SMARCA2: variants seen among roughly 807,000 people sequenced by gnomAD.
SMARCA2 encodes the protein SWI/SNF-related matrix-associated actin-dependent regulator of chromatin subfamily A member 2.
In SMARCA2, 61 loss-of-function variants were observed where a neutral mutation model predicts 199.8. That is an observed-to-expected ratio of 0.31 (90% confidence interval 0.25 to 0.38). The LOEUF is 0.38. SMARCA2 is among the 10% of genes least tolerant of loss of function. SMARCA2 has a pLI of 1.00. For missense variants in SMARCA2, 1,344 were observed against 2,012.2 expected, an observed-to-expected ratio of 0.67 and a Z score of 6.35; for synonymous variants, 935 against 732.0, an observed-to-expected ratio of 1.28 and a Z score of -4.48.
At chr9:2,178,849 C>T (rs575630885) in intron 29 of SMARCA2, among the ~76,000 whole-genome samples, 5 of 152,260 alleles carry the variant, frequency 3.3e-5, no homozygotes, top group East Asian at 1.9e-4. Context: ...GCTTTGTCTG[C>T]CGAAGCTGGC....
intron 17 of SMARCA2, among the ~76,000 whole-genome samples, 160 bp downstream of exon 17, chr9:2,084,356 T>A: frequency 6.6e-6 from 1 of 150,706 alleles, no homozygotes; most frequent in Non-Finnish European, 1.5e-5. Context: ...GTCGTGGATT[T>A]GATTTCATGC....
chr9:2,172,573 C>T (rs1826313659), intron 29 of SMARCA2, among the ~76,000 whole-genome samples: 1 of 152,126 alleles, frequency 6.6e-6, no homozygotes, highest in Admixed American at 6.5e-5. Context: ...CTGGGACAGC[C>T]TGGATGAGGC....
At chr9:2,096,559 C>A in intron 19 of SMARCA2, 98 bp from the exon 20 acceptor site, 1 of 756,612 alleles carries the variant, frequency 1.3e-6, no homozygotes, top group Non-Finnish European at 2.4e-6. Flanking sequence ...AAGAGAGACA[C>A]CTTTGTGCTT....
intron 32 of SMARCA2, among the ~76,000 whole-genome samples, chr9:2,190,133 A>G (rs1827777416): frequency 6.6e-6 from 1 of 152,162 alleles, no homozygotes; most frequent in African/African-American, 2.4e-5. Context: ...ATGTACCTAT[A>G]TTTGTGATAT....
intron 24 of SMARCA2, among the ~76,000 whole-genome samples, chr9:2,112,556 G>GAA (rs373589316): frequency 1.1e-4 from 17 of 151,930 alleles, no homozygotes; most frequent in African/African-American, 4.1e-4. Context: ...GCAGTAACAT[G>GAA]AAATAGTCCC....
chr9:2,192,817 C>T lies in SMARCA2; in HGVS notation c.*78C>T. The T allele has an allele frequency of 9.8e-7, 1 of 1,020,102 alleles. No individual in the cohort carries two copies. The highest frequency in any genetic ancestry group is 2.4e-5 in the East Asian group (1 of 42,150). The allele number at this position is 1,020,102 out of a possible 1,614,324, so 63.2% of individuals were successfully genotyped here. A position where few individuals can be genotyped will look rare whatever the true frequency, so the allele number is the denominator to read the frequency against. On this transcript the variant is annotated 3_prime_UTR_variant, in exon 34 of 34. Coordinates refer to ENST00000349721, the MANE Select transcript of SMARCA2 (RefSeq NM_003070.5). ...ATTTCTACCCAGTGAGTTCATTTGT[C>T]ATATAGGCACTGGGTTGTTTCTATA... is the stretch of plus-strand genomic sequence containing the variant.
At chr9:2,147,597 G>A (rs971118666) in intron 27 of SMARCA2, among the ~76,000 whole-genome samples, 1 of 152,124 alleles carries the variant, frequency 6.6e-6, no homozygotes, top group Non-Finnish European at 1.5e-5. Flanking sequence ...TGTAATCCTA[G>A]CACTTTGGGA....
chr9:2,097,376 G>T lies in SMARCA2; in HGVS notation c.2992-9G>T. On this transcript the variant is annotated splice_polypyrimidine_tract_variant and intron_variant, in intron 20 of 33. Transcript: ENST00000349721. ...TTAATTCTATTTTTCCCTTTCCACT[G>T]GTTCTTAGGGGAAAGGAGGTGCTAA... 6.4e-7 allele frequency: 1 copy of T among 1,571,802 alleles called. No individual in the cohort carries two copies. Among genetic ancestry groups the T allele is most frequent in the Non-Finnish European group, 8.7e-7 (1 of 1,144,528 alleles).
At chr9:2,032,893 C>T in intron 2 of SMARCA2, 59 bp from the exon 3 acceptor site, 4 of 1,531,514 alleles carry the variant, frequency 2.6e-6, no homozygotes, top group Non-Finnish European at 3.6e-6. Flanking sequence ...TCTGAAAACT[C>T]CAAATAGAAA....
In SMARCA2 at chr9:2,182,132, T is replaced by G; in HGVS notation, c.4360-9T>G. On this transcript the variant is annotated splice_polypyrimidine_tract_variant and intron_variant, in intron 30 of 33. Transcript: ENST00000349721. ...TTTTTTTCTCCATTTTCTCCAAAAT[T>G]TCCATCAGGAAAGGATTCGTAATCA... 1 of 1,565,922 alleles carries G rather than the reference T, an allele frequency of 6.4e-7. No homozygotes were observed. Among genetic ancestry groups the G allele is most frequent in the Non-Finnish European group, 8.8e-7 (1 of 1,137,696 alleles).
intron 3 of SMARCA2, among the ~76,000 whole-genome samples, chr9:2,036,246 T>A (rs1229699803): frequency 1.3e-5 from 2 of 152,020 alleles, no homozygotes; most frequent in East Asian, 1.9e-4. Context: ...GAATTGGCAC[T>A]TAGAAGTTCA....
intron 28 of SMARCA2, chr9:2,163,006 T>A (rs1215312816): frequency 6.6e-6 from 1 of 152,352 alleles, no homozygotes; most frequent in East Asian, 1.9e-4. Context: ...CACCTGTAAG[T>A]GTTTAACATG....
At chr9:2,020,750 G>C (rs569630196) in intron 1 of SMARCA2, among the ~76,000 whole-genome samples, 2 of 152,234 alleles carry the variant, frequency 1.3e-5, no homozygotes, top group African/African-American at 4.8e-5. Flanking sequence ...TATCGTCAAA[G>C]ATGCTTGAAT....
intron 15 of SMARCA2, among the ~76,000 whole-genome samples, 184 bp downstream of exon 15, chr9:2,082,179 T>G (rs1259416090): frequency 2.6e-5 from 4 of 152,094 alleles, no homozygotes; most frequent in Non-Finnish European, 4.4e-5. Context: ...CTAGCCTGTT[T>G]GATTGGCTAT....
chr9:2,069,342 G>C (rs2130405096), intron 9 of SMARCA2, among the ~76,000 whole-genome samples: 1 of 151,622 alleles, frequency 6.6e-6, no homozygotes, highest in African/African-American at 2.4e-5. Context: ...GGATCACGAG[G>C]TCAGGAGATT....
At chr9:2,041,939 C>T (rs1449528141) in intron 4 of SMARCA2, 1 of 152,164 alleles carries the variant, frequency 6.6e-6, no homozygotes, top group Non-Finnish European at 1.5e-5. Flanking sequence ...GCATGTGTCA[C>T]ACAACTAATG....
intron 27 of SMARCA2, among the ~76,000 whole-genome samples, chr9:2,147,706 C>CATG (rs1824836664): frequency 3.4e-5 from 5 of 145,232 alleles, no homozygotes; most frequent in Non-Finnish European, 7.9e-5. Flanking sequence ...ATTAGCGGGG[C>CATG]GTGGTGGGCG....
intron 32 of SMARCA2, among the ~76,000 whole-genome samples, chr9:2,190,957 C>A (rs887796487): frequency 6.6e-6 from 1 of 152,184 alleles, no homozygotes; most frequent in African/African-American, 2.4e-5. Context: ...GAAAACACTT[C>A]CCCTCATTAT....
At chr9:2,068,340 G>A (rs551611896) in intron 9 of SMARCA2, among the ~76,000 whole-genome samples, 2 of 152,134 alleles carry the variant, frequency 1.3e-5, no homozygotes, top group South Asian at 4.1e-4. Context: ...ATAACCAAAG[G>A]GAGCATTTTA....
Sources: gnomAD v4.1 joint callset for allele counts (sites outside exome capture counted in the v4.1 genomes callset) on GRCh38, gnomAD v4.1.1 for gene constraint, MANE v1.5 for transcripts, NCBI Gene and HGNC (gene_info 2026-07-23, HGNC 2026-07-21) for gene names.